Variants in PTCHD1 observed in about 807,000 individuals in gnomAD.
PTCHD1 encodes the protein patched domain-containing protein 1.
In PTCHD1, 3 loss-of-function variants were observed where a neutral mutation model predicts 34.6. That is an observed-to-expected ratio of 0.09 (90% CI 0.04 to 0.22). The LOEUF is 0.22. PTCHD1 is among the 10% of genes least tolerant of loss of function. The pLI is 1.00. For synonymous variants in PTCHD1, 305 were observed against 283.1 expected, an observed-to-expected ratio of 1.08 and a Z score of -0.77; for missense variants, 504 against 685.5, an observed-to-expected ratio of 0.74 and a Z score of 2.96.
intron 1 of PTCHD1, among the ~76,000 whole-genome samples, chrX:23,375,372 C>T (rs752836706): frequency 9.3e-6 from 1 of 107,261 alleles, no homozygotes; most frequent in South Asian, 4.2e-4. Flanking sequence ...TCACTGCAAG[C>T]TCCGCCTTCC....
At chrX:23,377,745 C>T (rs1317264197) in intron 1 of PTCHD1, among the ~76,000 whole-genome samples, 1 of 111,552 alleles carries the variant, frequency 9.0e-6, no homozygotes, top group South Asian at 3.8e-4. Context: ...AATTAGGATT[C>T]TCCACTCATG....
chrX:23,335,447 C>T (rs1021804179), intron 1 of PTCHD1, among the ~76,000 whole-genome samples: 1 of 113,219 alleles, frequency 8.8e-6, no homozygotes, highest in South Asian at 3.6e-4. Context: ...GTCGCCTCTA[C>T]CGCCACCCCG....
intron 1 of PTCHD1, among the ~76,000 whole-genome samples, chrX:23,376,411 C>A (rs901274200): frequency 2.7e-5 from 3 of 112,185 alleles, no homozygotes; most frequent in African/African-American, 9.7e-5. Flanking sequence ...AGCTTCAAAC[C>A]CTGGCTTTCT....
intron 1 of PTCHD1, among the ~76,000 whole-genome samples, chrX:23,373,675 C>T (rs927256701): frequency 8.9e-6 from 1 of 112,143 alleles, no homozygotes; most frequent in Non-Finnish European, 1.9e-5. Flanking sequence ...AAAGACAGAA[C>T]ATAACACCAA....
intron 2 of PTCHD1, among the ~76,000 whole-genome samples, chrX:23,388,753 C>A (rs1922746259): frequency 9.0e-6 from 1 of 111,533 alleles, no homozygotes; most frequent in African/African-American, 3.3e-5. Context: ...ATCGCTGGAA[C>A]CCGGGAGGCC....
chrX:23,338,379 T>G (rs945400450), intron 1 of PTCHD1, among the ~76,000 whole-genome samples: 14 of 112,475 alleles, frequency 1.2e-4, no homozygotes, highest in Non-Finnish European at 1.7e-4. Context: ...CTCACAAGCT[T>G]TTATAGATAC....
At chrX:23,372,324 A>G (rs185609896) in intron 1 of PTCHD1, among the ~76,000 whole-genome samples, 15 of 111,003 alleles carry the variant, frequency 1.4e-4, no homozygotes, top group African/African-American at 3.9e-4. Context: ...GAGCACTGCA[A>G]TGTGAGAATA....
chrX:23,402,914 A>G lies in PTCHD1; in HGVS notation c.*8729A>G, dbSNP rs1011567581. 4 of 112,728 alleles carry G rather than the reference A, an allele frequency of 3.5e-5. No individual in the cohort carries two copies. In the Admixed American group the frequency reaches 3.7e-4, roughly 11 times the overall value. 9.3% of individuals were successfully genotyped at this position (112,728 alleles called of 1,213,427 possible). On this transcript the variant is annotated 3_prime_UTR_variant, in exon 3 of 3. Transcript: ENST00000379361. ...AATGACAAAATAGTGATAACTGTTC[A>G]ATGTTGCTTTAACAGTCCAATTGTA...
At chrX:23,370,422 A>G (rs888957805) in intron 1 of PTCHD1, among the ~76,000 whole-genome samples, 1 of 112,256 alleles carries the variant, frequency 8.9e-6, no homozygotes, top group Non-Finnish European at 1.9e-5. Flanking sequence ...AGATCAGGAA[A>G]GGGAGGGCAG....
chrX:23,342,305 T>C (rs1921353372), intron 1 of PTCHD1, among the ~76,000 whole-genome samples: 1 of 9,822 alleles, frequency 1.0e-4, no homozygotes, highest in African/African-American at 1.3e-3. Context: ...TATATATATA[T>C]ATATATTTTT....
At chrX:23,352,083 G>A (rs1228247340) in intron 1 of PTCHD1, among the ~76,000 whole-genome samples, 3 of 112,040 alleles carry the variant, frequency 2.7e-5, no homozygotes, top group Non-Finnish European at 3.8e-5. Flanking sequence ...ATAAAACCCA[G>A]TGAAAGCAAT....
intron 1 of PTCHD1, among the ~76,000 whole-genome samples, chrX:23,366,670 C>G (rs1237471431): frequency 9.0e-6 from 1 of 111,417 alleles, no homozygotes; most frequent in Non-Finnish European, 1.9e-5. Flanking sequence ...CCTTAATACT[C>G]TGCACTTCTT....
chrX:23,383,156 C>T (rs1259575936), intron 2 of PTCHD1, among the ~76,000 whole-genome samples: 2 of 111,973 alleles, frequency 1.8e-5, no homozygotes, highest in African/African-American at 6.5e-5. Context: ...CTGTGTATAA[C>T]TTAAAATGGC....
In PTCHD1 at chrX:23,394,446, A is replaced by ACC. The variant is rs1481174282; in HGVS notation, c.*262_*263insCC. Reference sequence around the variant, plus strand: ...CACACACACACACACACACACACACACACACCCTGGGAGACCTATAGTCTC... The same window carrying ACC: ...CACACACACACACACACACACACACACCCACACCCTGGGAGACCTATAGTCTC... On this transcript the variant is annotated 3_prime_UTR_variant, in exon 3 of 3. Transcript: ENST00000379361. The ACC allele has an allele frequency of 9.7e-5, 30 of 308,641 alleles. No homozygotes were observed. In the East Asian group the frequency reaches 1.7e-3, roughly 17 times the overall value. The allele number at this position is 308,641 out of a possible 1,213,427, so 25.4% of individuals were successfully genotyped here.
rs916236973 is a variant in PTCHD1 at position 23,394,415 on chromosome X, C to T, written c.*230C>T. On this transcript the variant is annotated 3_prime_UTR_variant, in exon 3 of 3. Coordinates refer to ENST00000379361, the MANE Select transcript of PTCHD1 (RefSeq NM_173495.3). ...GAGAATTCACACACACATAGACACA[C>T]ACACACACACACACACACACACACA... 2.3e-4 allele frequency: 60 copies of T among 265,051 alleles called. 1 individual carries two copies. The Middle Eastern group carries it at 3.3e-3, about 15-fold the overall frequency. 21.8% of individuals were successfully genotyped at this position (265,051 alleles called of 1,213,427 possible).
Position 23,393,132 on chromosome X carries a change from C to A in PTCHD1, c.1614C>A (p.Thr538=). The A allele has an allele frequency of 8.3e-7, 1 of 1,211,348 alleles. No homozygotes were observed. The highest frequency in any genetic ancestry group is 1.8e-5 in the South Asian group (1 of 56,954). ...LSNIVATATQ[T]IEYTTAQQKY... ...ACATTGTAGCAACCGCGACACAAAC[C>A]ATTGAGTACACTACTGCCCAGCAAA... is the stretch of plus-strand genomic sequence containing the variant. The change falls in exon 3 of 3, where the codon ACC becomes ACA. Residue 538 remains threonine (T), a synonymous_variant. Coordinates refer to ENST00000379361, the MANE Select transcript of PTCHD1 (RefSeq NM_173495.3).
intron 1 of PTCHD1, among the ~76,000 whole-genome samples, chrX:23,346,644 A>C (rs769718353): frequency 8.9e-6 from 1 of 112,278 alleles, no homozygotes; most frequent in Non-Finnish European, 1.9e-5. Flanking sequence ...AAGACAGAAA[A>C]GGAAATCTGA....
chrX:23,345,999 G>A (rs1034554818), intron 1 of PTCHD1, among the ~76,000 whole-genome samples: 4 of 111,580 alleles, frequency 3.6e-5, no homozygotes, highest in African/African-American at 6.5e-5. Context: ...CCCTGAGATG[G>A]AGGAAGAGAG....
chrX:23,375,039 T>A (rs777076571), intron 1 of PTCHD1, among the ~76,000 whole-genome samples: 1 of 112,020 alleles, frequency 8.9e-6, no homozygotes, highest in Non-Finnish European at 1.9e-5. Context: ...TTAGGAAGCC[T>A]GTCTTTGAAA....
Sources: gnomAD v4.1 joint callset for allele counts (sites outside exome capture counted in the v4.1 genomes callset) on GRCh38, gnomAD v4.1.1 for gene constraint, MANE v1.5 for transcripts, NCBI Gene and HGNC (gene_info 2026-07-23, HGNC 2026-07-21) for gene names.